The following KAZN variants were observed in gnomAD, a reference collection of about 807,000 sequenced individuals.
The protein encoded by KAZN is kazrin.
A neutral mutation model predicts 87.4 loss-of-function variants in KAZN; 40 were observed. The ratio of observed to expected loss-of-function variants is 0.46; its 90% CI spans 0.36 to 0.60. KAZN has a LOEUF of 0.60. Ranked by LOEUF, KAZN falls within the 20% of genes least tolerant of loss-of-function variation. KAZN has a pLI of 0.00. For synonymous variants in KAZN, 466 were observed against 458.3 expected (o/e 1.02, Z -0.22); for missense variants, 898 against 1,073.9 (o/e 0.84, Z 2.29).
chr1:14,972,137 A>G (rs1665119100), intron 2 of KAZN, among the ~76,000 whole-genome samples: 1 of 152,150 alleles, frequency 6.6e-6, no homozygotes, highest in Non-Finnish European at 1.5e-5. Flanking sequence ...GGCTCTCCAA[A>G]TGCCTTTCAG....
intron 1 of KAZN, among the ~76,000 whole-genome samples, chr1:14,678,143 AT>A (rs1181661435): frequency 6.6e-6 from 1 of 152,092 alleles, no homozygotes; most frequent in African/African-American, 2.4e-5. Context: ...AGAGATTAAC[AT>A]TTGAGTCAGT....
intron 10 of KAZN, among the ~76,000 whole-genome samples, chr1:15,097,267 C>A (rs551758003): frequency 1.3e-5 from 2 of 152,132 alleles, no homozygotes; most frequent in African/African-American, 4.8e-5. Context: ...GGGTGGGACT[C>A]TCTGGCCCAC....
chr1:14,516,668 T>C (rs1671315636), intron 2 of KAZN, among the ~76,000 whole-genome samples: 1 of 152,236 alleles, frequency 6.6e-6, no homozygotes, highest in Non-Finnish European at 1.5e-5. Context: ...TTTGAAGCTC[T>C]GACTCTGTTC....
At chr1:14,640,924 T>C (rs947832930) in intron 1 of KAZN, among the ~76,000 whole-genome samples, 5 of 152,214 alleles carry the variant, frequency 3.3e-5, no homozygotes, top group African/African-American at 1.2e-4. Flanking sequence ...AGCACATCCC[T>C]GTGCACCTCT....
At chr1:14,261,670 A>G (rs112053582) in intron 2 of KAZN, among the ~76,000 whole-genome samples, 2 of 152,308 alleles carry the variant, frequency 1.3e-5, no homozygotes, top group African/African-American at 4.8e-5. Flanking sequence ...TGTGAGGCAG[A>G]GTGTTTCCCT....
chr1:14,316,073 T>C (rs1407627828), intron 2 of KAZN, among the ~76,000 whole-genome samples: 1 of 152,084 alleles, frequency 6.6e-6, no homozygotes, highest in South Asian at 2.1e-4. Flanking sequence ...TTACCAGTCT[T>C]TAAACTTTAG....
intron 2 of KAZN, among the ~76,000 whole-genome samples, chr1:14,404,870 A>C (rs987682588): frequency 2.6e-5 from 4 of 152,378 alleles, no homozygotes; most frequent in African/African-American, 9.6e-5. Context: ...AAATTCCTTA[A>C]GAAGGAATGC....
chr1:15,052,575 C>G (rs1674519210), intron 4 of KAZN, among the ~76,000 whole-genome samples: 1 of 151,494 alleles, frequency 6.6e-6, no homozygotes, highest in African/African-American at 2.4e-5. Context: ...GTGTGTATTG[C>G]ATGTGTATGT....
chr1:14,509,042 CAG>C (rs928978009), intron 2 of KAZN, among the ~76,000 whole-genome samples: 3 of 152,182 alleles, frequency 2.0e-5, no homozygotes, highest in Non-Finnish European at 4.4e-5. Flanking sequence ...AATAGGTTAA[CAG>C]GGCAGTGAGA....
At chr1:14,528,940 G>A (rs1672060788) in intron 2 of KAZN, among the ~76,000 whole-genome samples, 1 of 151,932 alleles carries the variant, frequency 6.6e-6, no homozygotes, top group South Asian at 2.1e-4. Flanking sequence ...TCAGCCAGAG[G>A]GAAATAGACC....
intron 2 of KAZN, among the ~76,000 whole-genome samples, chr1:14,467,178 A>G (rs1668204073): frequency 6.6e-6 from 1 of 152,204 alleles, no homozygotes; most frequent in African/African-American, 2.4e-5. Context: ...TTAACAGCAC[A>G]AAAGAGGAGG....
At chr1:13,942,814 TAAC>T (rs759590467) in intron 1 of KAZN, among the ~76,000 whole-genome samples, 14 of 152,124 alleles carry the variant, frequency 9.2e-5, no homozygotes, top group African/African-American at 1.9e-4. Context: ...AAAAATTAGA[TAAC>T]AACTCTAGAA....
At chr1:15,070,946 G>A (rs1475129496) in intron 8 of KAZN, among the ~76,000 whole-genome samples, 1 of 152,216 alleles carries the variant, frequency 6.6e-6, no homozygotes, top group Admixed American at 6.5e-5. Flanking sequence ...GGACTCCACT[G>A]GGCGGGGCAA....
chr1:14,775,904 A>G (rs967302634), intron 1 of KAZN, among the ~76,000 whole-genome samples: 5 of 152,248 alleles, frequency 3.3e-5, no homozygotes, highest in African/African-American at 1.2e-4. Flanking sequence ...CCTTTCCTAC[A>G]GCGGTCGACA....
At position 14,725,363 on chromosome 1, in the gene KAZN, T is replaced by C. The variant is rs1643326573; in HGVS notation, c.226+126140T>C. On this transcript the variant is annotated intron_variant, in intron 1 of 14. Transcript: ENST00000376030. ...CATTCTCTACCTCTCCTTTGTGACATTTACCACTGTTGTCATCTGACATTT... is the reference window on the plus strand; with the variant it reads ...CATTCTCTACCTCTCCTTTGTGACACTTACCACTGTTGTCATCTGACATTT... Among the ~76,000 whole-genome samples the C allele has an allele frequency of 5.3e-5, 8 of 152,194 alleles. No individual in the cohort carries two copies. The South Asian group carries it at 1.2e-3, about 24-fold the overall frequency.
chr1:15,060,077 T>G lies in KAZN; in HGVS notation c.917-95T>G, dbSNP rs551681611. 8.2e-5 allele frequency: 123 copies of G among 1,507,214 alleles called. No homozygotes were observed. The South Asian group carries it at 1.5e-3, about 18-fold the overall frequency. The allele number at this position is 1,507,214 out of a possible 1,614,324, so 93.4% of individuals were successfully genotyped here. On this transcript the variant is annotated intron_variant, in intron 5 of 14. Transcript: ENST00000376030. ...TTCTCTACACCTCAGTGTTCCCATC[T>G]GTAGAACGGGGGTGTTGGGTGGAAT...
chr1:14,435,799 G>A (rs1010990155), intron 2 of KAZN, among the ~76,000 whole-genome samples: 51 of 151,856 alleles, frequency 3.4e-4, no homozygotes, highest in African/African-American at 1.2e-3. Context: ...CGATATCTTC[G>A]AATGGGGATG....
chr1:13,921,913 G>A (rs142230613), intron 1 of KAZN, among the ~76,000 whole-genome samples: 6 of 152,254 alleles, frequency 3.9e-5, no homozygotes, highest in East Asian at 1.9e-4. Context: ...TTACAGGTGC[G>A]AGCCACTGCG....
chr1:15,078,135 C>A (rs1639840008), intron 8 of KAZN, among the ~76,000 whole-genome samples: 1 of 152,098 alleles, frequency 6.6e-6, no homozygotes, highest in African/African-American at 2.4e-5. Flanking sequence ...AAGTGATGTG[C>A]TGGATGCGGT....
Sources: allele counts gnomAD v4.1 joint callset (sites outside exome capture counted in the v4.1 genomes callset), GRCh38; gene constraint gnomAD v4.1.1; transcripts MANE v1.5; gene names NCBI Gene and HGNC (gene_info 2026-07-23, HGNC 2026-07-21).